The following PTBP2 variants were observed in gnomAD, a reference collection of about 807,000 sequenced individuals.
PTBP2 encodes the protein polypyrimidine tract binding protein 2, also known as polypyrimidine tract-binding protein 2.
A neutral mutation model predicts 61.4 loss-of-function variants in PTBP2; 13 were observed. That is an observed-to-expected ratio of 0.21 (90% CI 0.14 to 0.34). PTBP2 has a LOEUF of 0.34. Ranked by LOEUF, PTBP2 falls within the 10% of genes least tolerant of loss-of-function variation. The pLI is 1.00. For missense variants in PTBP2, 405 were observed against 642.6 expected (o/e 0.63, Z 4.00); for synonymous variants, 215 against 218.5 (o/e 0.98, Z 0.14).
intron 8 of PTBP2, among the ~76,000 whole-genome samples, chr1:96,787,888 C>A (rs1228471326): frequency 2.0e-5 from 3 of 151,970 alleles, no homozygotes; most frequent in African/African-American, 7.2e-5. Context: ...ACTTTTTTGC[C>A]TCTCAAATTA....
Position 96,813,759 on chromosome 1 carries a change from A to T in PTBP2, c.*354A>T, listed in dbSNP as rs1662305426. ...ATTGTGCATTTACTAGAAAAAAGGA[A>T]TTGGTTGTTTAGGGCACACTGTTAT... On this transcript the variant is annotated 3_prime_UTR_variant, in exon 14 of 14. Transcript: ENST00000674951. 6.2e-6 allele frequency: 1 copy of T among 161,638 alleles called. No homozygotes were observed. The highest frequency in any genetic ancestry group is 2.4e-5 in the African/African-American group (1 of 41,400). The allele number at this position is 161,638 out of a possible 1,614,324, so 10.0% of individuals were successfully genotyped here.
At chr1:96,775,859 A>G (rs1366865520) in intron 5 of PTBP2, among the ~76,000 whole-genome samples, 14 of 152,156 alleles carry the variant, frequency 9.2e-5, no homozygotes, top group Admixed American at 9.2e-4. Flanking sequence ...TTGTTAAGCC[A>G]TAAAAGGAAG....
At chr1:96,767,454 A>T (rs1242034826) in intron 3 of PTBP2, among the ~76,000 whole-genome samples, 1 of 152,034 alleles carries the variant, frequency 6.6e-6, no homozygotes, top group African/African-American at 2.4e-5. Context: ...TTTTTTGAGT[A>T]TCCTGATACC....
chr1:96,758,621 A>G (rs1039564802), intron 3 of PTBP2, among the ~76,000 whole-genome samples: 1 of 152,114 alleles, frequency 6.6e-6, no homozygotes, highest in African/African-American at 2.4e-5. Context: ...TGATAGAATG[A>G]AGAAAGAAGA....
intron 8 of PTBP2, among the ~76,000 whole-genome samples, chr1:96,799,607 C>G (rs1660773954): frequency 6.6e-6 from 1 of 152,102 alleles, no homozygotes; most frequent in Non-Finnish European, 1.5e-5. Flanking sequence ...GCTGCCTTAG[C>G]TAAAGATGCA....
At position 96,770,803 on chromosome 1, in the gene PTBP2, C is replaced by A; in HGVS notation, c.384C>A (p.Ile128=). 6.3e-7 allele frequency: 1 copy of A among 1,586,886 alleles called. No homozygotes were observed. Among genetic ancestry groups the A allele is most frequent in the Non-Finnish European group, 8.7e-7 (1 of 1,155,616 alleles). Reference sequence around the variant, plus strand: ...ATCTTCGTAACCAACCAATATATATCCAGTACTCGAATCACAAAGAACTAA... The same window carrying A: ...ATCTTCGTAACCAACCAATATATATACAGTACTCGAATCACAAAGAACTAA... ...TPHLRNQPIY[I]QYSNHKELKT... is the part of the protein sequence containing the mutation. The change falls in exon 5 of 14, where the codon ATC becomes ATA. Residue 128 remains isoleucine, a synonymous_variant. Coordinates refer to ENST00000674951, the MANE Select transcript of PTBP2 (RefSeq NM_021190.4).
Position 96,806,970 on chromosome 1 carries a change from CT to C in PTBP2, c.1171+13del. 4 of 1,582,372 alleles carry C rather than the reference CT, an allele frequency of 2.5e-6. No individual in the cohort carries two copies. Among genetic ancestry groups the C allele is most frequent in the Non-Finnish European group, 3.5e-6 (4 of 1,158,202 alleles). ...CCAATCACAACTTGGTAAGATTAAA[CT>C]ATGTTTTATCTATACATCTTCACTT... is the stretch of plus-strand genomic sequence containing the variant. On this transcript the variant is annotated intron_variant, in intron 11 of 13. Coordinates refer to ENST00000674951, the MANE Select transcript of PTBP2 (RefSeq NM_021190.4).
At chr1:96,799,293 G>GATTTTTTTTTTTTT (rs1557768004) in intron 8 of PTBP2, among the ~76,000 whole-genome samples, 1 of 88,290 alleles carries the variant, frequency 1.1e-5, no homozygotes, top group Non-Finnish European at 2.1e-5. Context: ...AATAGATCAA[G>GATTTTTTTTTTTTT]CTTTTTTTTT....
At chr1:96,817,000 C>T (rs1017762259), downstream of PTBP2, 11 of 152,048 alleles carry the variant, frequency 7.2e-5, no homozygotes, top group Non-Finnish European at 1.3e-4. Flanking sequence ...TTTCATAAAG[C>T]AGAAAGATGT....
At chr1:96,744,108 T>C (rs1319232596) in intron 2 of PTBP2, among the ~76,000 whole-genome samples, 4 of 151,528 alleles carry the variant, frequency 2.6e-5, no homozygotes, top group Non-Finnish European at 4.4e-5. Context: ...GAAAAATTGC[T>C]TGAACCTGGG....
intron 8 of PTBP2, among the ~76,000 whole-genome samples, chr1:96,786,536 A>C (rs1010388425): frequency 6.6e-6 from 1 of 152,194 alleles, no homozygotes; most frequent in Non-Finnish European, 1.5e-5. Flanking sequence ...GGAATGAAAG[A>C]GTGAAACATG....
intron 2 of PTBP2, among the ~76,000 whole-genome samples, chr1:96,749,888 A>G (rs1225626261): frequency 6.6e-6 from 1 of 152,138 alleles, no homozygotes. Flanking sequence ...ATGATTAAGT[A>G]CTGTTACCTA....
chr1:96,765,432 C>T (rs534403455), intron 3 of PTBP2, among the ~76,000 whole-genome samples: 1 of 152,086 alleles, frequency 6.6e-6, no homozygotes, highest in Non-Finnish European at 1.5e-5. Context: ...AGAAAGTAGG[C>T]CAGGTGCTGT....
intron 3 of PTBP2, among the ~76,000 whole-genome samples, chr1:96,766,577 A>C (rs1235215526): frequency 6.6e-6 from 1 of 152,074 alleles, no homozygotes; most frequent in African/African-American, 2.4e-5. Flanking sequence ...GTGTTGCTGG[A>C]GTGTGTTTAT....
exon 14 of PTBP2, chr1:96,822,857 T>C (rs1292272405): frequency 6.6e-6 from 1 of 152,202 alleles, no homozygotes; most frequent in African/African-American, 2.4e-5. Flanking sequence ...TGTTTTTGAA[T>C]TGTCTTTCCA....
At chr1:96,734,241 G>A (rs988752435) in intron 2 of PTBP2, among the ~76,000 whole-genome samples, 1 of 152,034 alleles carries the variant, frequency 6.6e-6, no homozygotes, top group Admixed American at 6.6e-5. Context: ...TCCACACTCT[G>A]CTTTTCCACT....
chr1:96,791,827 T>TTTTTTTTGTA (rs1553184731), intron 8 of PTBP2, among the ~76,000 whole-genome samples: 18 of 81,950 alleles, frequency 2.2e-4, no homozygotes, highest in African/African-American at 1.0e-3. Context: ...GGAGTTGTGC[T>TTTTTTTTGTA]TTTTTTTTTT....
intron 11 of PTBP2, among the ~76,000 whole-genome samples, chr1:96,807,809 A>C (rs1253086000): frequency 6.6e-6 from 1 of 152,242 alleles, no homozygotes; most frequent in Non-Finnish European, 1.5e-5. Flanking sequence ...CAATAGTCTT[A>C]GCAACTCAGA....
At chr1:96,795,560 A>G (rs1419134606) in intron 8 of PTBP2, among the ~76,000 whole-genome samples, 2 of 152,246 alleles carry the variant, frequency 1.3e-5, no homozygotes, top group Non-Finnish European at 2.9e-5. Flanking sequence ...AACTTTAAGC[A>G]GTGCATATTT....
Sources: allele counts gnomAD v4.1 joint callset (sites outside exome capture counted in the v4.1 genomes callset), GRCh38; gene constraint gnomAD v4.1.1; transcripts MANE v1.5; gene names NCBI Gene and HGNC (gene_info 2026-07-23, HGNC 2026-07-21).